Variants in CLECL1 observed in about 807,000 individuals in gnomAD.
CLECL1 encodes the protein C-type lectin like 1.
intron 1 of CLECL1, among the ~76,000 whole-genome samples, chr12:9,729,960 G>T (rs1866427075): frequency 6.6e-6 from 1 of 152,006 alleles, no homozygotes; most frequent in Non-Finnish European, 1.5e-5. Flanking sequence ...TTTTATATAA[G>T]ACTGTGAAAC....
chr12:9,710,187 CAT>C, the CLECL1 span, among the ~76,000 whole-genome samples: 25 of 152,172 alleles, frequency 1.6e-4, no homozygotes, highest in African/African-American at 2.7e-4. Context: ...TAATAATACA[CAT>C]GTTTAACCCA....
downstream of CLECL1, among the ~76,000 whole-genome samples, chr12:9,720,025 AAG>A (rs1866290028): frequency 2.0e-5 from 3 of 152,132 alleles, no homozygotes; most frequent in Non-Finnish European, 4.4e-5. Flanking sequence ...CAGTGAGTGG[AAG>A]GGGTGATGGC....
the CLECL1 span, among the ~76,000 whole-genome samples, chr12:9,704,536 A>AT: frequency 5.9e-5 from 9 of 152,110 alleles, no homozygotes; most frequent in Non-Finnish European, 1.3e-4. Flanking sequence ...AGTATCCATT[A>AT]TTTTTTAAAT....
At chr12:9,704,663 T>C in the CLECL1 span, among the ~76,000 whole-genome samples, 1 of 152,218 alleles carries the variant, frequency 6.6e-6, no homozygotes, top group East Asian at 1.9e-4. Context: ...CATGTGGTAT[T>C]TGATTTTCCA....
chr12:9,717,923 C>G (rs745909709), downstream of CLECL1, among the ~76,000 whole-genome samples: 28 of 151,928 alleles, frequency 1.8e-4, no homozygotes, highest in Middle Eastern at 0.01. Context: ...ATCTCCTTTT[C>G]AAATATAAGC....
At chr12:9,720,769 G>A (rs741199), downstream of CLECL1, among the ~76,000 whole-genome samples, 45,065 of 152,058 alleles carry the variant, frequency 0.3, 7,392 homozygotes, top group South Asian at 0.47. Context: ...CCTGGGAGAG[G>A]TGGTGGGATT....
downstream of CLECL1, among the ~76,000 whole-genome samples, chr12:9,720,396 C>T (rs977225010): frequency 2.7e-5 from 4 of 146,182 alleles, no homozygotes; most frequent in Non-Finnish European, 4.5e-5. Flanking sequence ...GGCTGGAGTG[C>T]GGTGGCTGCG....
At chr12:9,703,921 G>A in the CLECL1 span, among the ~76,000 whole-genome samples, 1 of 151,926 alleles carries the variant, frequency 6.6e-6, no homozygotes, top group Non-Finnish European at 1.5e-5. Context: ...CATATTCTAT[G>A]TATTGTGTTT....
the CLECL1 span, among the ~76,000 whole-genome samples, chr12:9,703,543 T>A: frequency 2.0e-5 from 3 of 152,064 alleles, no homozygotes; most frequent in Non-Finnish European, 4.4e-5. Flanking sequence ...CACAGGCATG[T>A]GCCATTATAC....
the CLECL1 span, among the ~76,000 whole-genome samples, chr12:9,703,901 G>A: frequency 0.03 from 4,541 of 152,004 alleles, 81 homozygotes; most frequent in Non-Finnish European, 0.037. Context: ...TTCTACAGTG[G>A]AGACCTCAAC....
At chr12:9,704,294 A>G in the CLECL1 span, 1 of 152,236 alleles carries the variant, frequency 6.6e-6, no homozygotes. Flanking sequence ...CAAATATTAC[A>G]TATTCTATGC....
At chr12:9,703,733 C>CAT in the CLECL1 span, among the ~76,000 whole-genome samples, 182 of 136,436 alleles carry the variant, frequency 1.3e-3, no homozygotes, top group South Asian at 5.7e-3. Flanking sequence ...CACTTGCCCG[C>CAT]ATATATATAT....
chr12:9,729,594 A>G (rs1866421452), exon 2 of CLECL1, among the ~76,000 whole-genome samples: 1 of 152,092 alleles, frequency 6.6e-6, no homozygotes, highest in Non-Finnish European at 1.5e-5. Context: ...TACTTACCCA[A>G]AATATTCAGT....
chr12:9,702,398 G>A, the CLECL1 span, among the ~76,000 whole-genome samples: 2 of 152,102 alleles, frequency 1.3e-5, no homozygotes, highest in Non-Finnish European at 2.9e-5. Flanking sequence ...CTGTCACTCT[G>A]CTATTCCGCT....
the CLECL1 span, among the ~76,000 whole-genome samples, chr12:9,703,873 A>G: frequency 1.3e-5 from 2 of 151,944 alleles, no homozygotes; most frequent in Admixed American, 1.3e-4. Context: ...TTATTTGCTG[A>G]TTTTATTGAC....
At chr12:9,719,161 G>T (rs2121042421), downstream of CLECL1, among the ~76,000 whole-genome samples, 1 of 152,278 alleles carries the variant, frequency 6.6e-6, no homozygotes, top group South Asian at 2.1e-4. Flanking sequence ...AGAGCCAGGT[G>T]CGGTGGCTCA....
chr12:9,713,640 C>G (rs1866214100), downstream of CLECL1, among the ~76,000 whole-genome samples: 1 of 152,170 alleles, frequency 6.6e-6, no homozygotes, highest in African/African-American at 2.4e-5. Flanking sequence ...AGGGGAAGTT[C>G]TCACTCTTAT....
chr12:9,719,912 C>G (rs146985042), downstream of CLECL1, among the ~76,000 whole-genome samples: 1 of 152,260 alleles, frequency 6.6e-6, no homozygotes, highest in African/African-American at 2.4e-5. Flanking sequence ...TTCACAGTGC[C>G]TTGGAGAAGA....
downstream of CLECL1, chr12:9,718,658 G>A (rs773798201): frequency 1.5e-6 from 1 of 682,984 alleles, no homozygotes. Context: ...CCATTGCGGT[G>A]GGCCCTAATC....
Sources: allele counts gnomAD v4.1 joint callset (sites outside exome capture counted in the v4.1 genomes callset), GRCh38; gene constraint gnomAD v4.1.1; transcripts MANE v1.5; gene names NCBI Gene and HGNC (gene_info 2026-07-23, HGNC 2026-07-21).